Variants in RFWD3 observed in about 807,000 individuals in gnomAD.
The protein encoded by RFWD3 is E3 ubiquitin-protein ligase RFWD3.
RFWD3 carries 65 observed loss-of-function variants against 87.7 expected under a neutral mutation model. That is an observed-to-expected ratio of 0.74 (90% CI 0.61 to 0.91). The LOEUF is 0.91. RFWD3 is among the 40% of genes least tolerant of loss of function. The pLI is 0.00. For missense variants in RFWD3, 1,078 were observed against 938.5 expected (o/e 1.15, Z -1.94); for synonymous variants, 433 against 352.8 (o/e 1.23, Z -2.55).
chr16:74,626,231 A>G (rs1958927852), intron 12 of RFWD3, 112 bp downstream of exon 12: 1 of 911,746 alleles, frequency 1.1e-6, no homozygotes, highest in Non-Finnish European at 1.8e-6. Flanking sequence ...TACAGAGCAG[A>G]ACTTACACTT....
intron 4 of RFWD3, among the ~76,000 whole-genome samples, chr16:74,647,011 T>C (rs987061043): frequency 6.6e-6 from 1 of 151,190 alleles, no homozygotes; most frequent in African/African-American, 2.4e-5. Flanking sequence ...GGTGTGAACC[T>C]GGGAGGCGGA....
rs927008203 is a variant in RFWD3, at chr16:74,649,163, C to T, written c.761G>A (p.Cys254Tyr). The T allele has an allele frequency of 5.1e-6, 8 of 1,570,582 alleles. No homozygotes were observed. Among genetic ancestry groups the T allele is most frequent in the Non-Finnish European group, 6.9e-6 (8 of 1,166,268 alleles). ...AGVSAEQEVT[C>Y]IDGGKTLPKQ... ...GGGGAGGGTCTTGCCTCCATCGATA[C>T]ATGTAACTTCTTGCTCTGCTGAGAC... Residue 254 changes from cysteine (C) to tyrosine (Y), a missense_variant, in exon 4 of 13, where the codon TGT becomes TAT. Transcript: ENST00000361070.
intron 2 of RFWD3, among the ~76,000 whole-genome samples, chr16:74,656,481 A>G (rs543431387): frequency 1.3e-5 from 2 of 151,874 alleles, no homozygotes; most frequent in East Asian, 3.9e-4. Flanking sequence ...ATGATCCACC[A>G]TTCTTTTTTT....
Position 74,624,041 on chromosome 16 carries a change from G to A in RFWD3, c.2212C>T (p.Gln738Ter). The A allele has an allele frequency of 1.2e-6, 2 of 1,613,842 alleles. No homozygotes were observed. The highest frequency in any genetic ancestry group is 1.7e-6 in the Non-Finnish European group (2 of 1,179,968). Residue 738 changes from glutamine to a stop codon, truncating the protein, a stop_gained, in exon 13 of 13, where the codon CAG becomes TAG. Transcript: ENST00000361070. LOFTEE classifies it high-confidence loss of function. ...ACAGGCTGATCGGTCTGTAGGTCCT[G>A]GAGCAACGAGCCACTGGCAGCATCC... is the stretch of plus-strand genomic sequence containing the variant. ...LWDAASGSLL[Q>*]DLQTDQPVLD...
intron 8 of RFWD3, 106 bp downstream of exon 8, chr16:74,636,240 G>C: frequency 1.0e-6 from 1 of 980,456 alleles, no homozygotes; most frequent in Non-Finnish European, 1.6e-6. Context: ...AACTAATAGG[G>C]AAAGGTGATT....
chr16:74,636,402 T>A lies in RFWD3; in HGVS notation c.1370A>T (p.Asp457Val). ...AGNCRIMAYCDALSCLVISQP... is the reference protein window; with the variant it reads ...AGNCRIMAYCVALSCLVISQP... The stretch of plus-strand genomic sequence containing the variant: ...TGATATCACCAGGCAGCTCAGAGCA[T>A]CACAGTATGCCATGATCCGGCAGTT... Residue 457 changes from aspartate (D) to valine (V), a missense_variant, in exon 8 of 13, where the codon GAT (aspartate) becomes GTT (valine). Coordinates refer to ENST00000361070, the MANE Select transcript of RFWD3 (RefSeq NM_018124.4). The A allele has an allele frequency of 6.2e-7, 1 of 1,614,204 alleles. No homozygotes were observed. The highest frequency in any genetic ancestry group is 8.5e-7 in the Non-Finnish European group (1 of 1,180,028).
In RFWD3 at chr16:74,646,458, G is replaced by A. The variant is rs1410375773; in HGVS notation, c.793-1723C>T. Among the ~76,000 whole-genome samples the A allele has an allele frequency of 2.0e-5, 3 of 152,164 alleles. No homozygotes were observed. The East Asian group carries it at 5.8e-4, about 29-fold the overall frequency. The stretch of plus-strand genomic sequence containing the variant: ...AGTAGTTGAGACAACACAGGCGTGT[G>A]CCACCATACACCAACCATGCTTTAC... On this transcript the variant is annotated intron_variant, in intron 4 of 12. Coordinates refer to ENST00000361070, the MANE Select transcript of RFWD3 (RefSeq NM_018124.4).
chr16:74,656,391 TA>T (rs1418587354), intron 2 of RFWD3, among the ~76,000 whole-genome samples: 4 of 152,002 alleles, frequency 2.6e-5, no homozygotes, highest in African/African-American at 7.2e-5. Context: ...TTTTTTATTT[TA>T]TTTTTTTTAA....
intron 7 of RFWD3, 114 bp from the exon 8 acceptor site, chr16:74,636,691 C>T: frequency 1.2e-6 from 1 of 803,256 alleles, no homozygotes; most frequent in Non-Finnish European, 1.9e-6. Context: ...AAAGTGTTAA[C>T]ATGAATCCTA....
rs1427351107 is a variant in RFWD3 at position 74,644,375 on chromosome 16, C to T, written c.1066G>A (p.Glu356Lys). The change falls in exon 6 of 13, where the codon GAG becomes AAG. Residue 356 changes from glutamate to lysine, a missense_variant. Coordinates refer to ENST00000361070, the MANE Select transcript of RFWD3 (RefSeq NM_018124.4). ...TLRALDTSEQ[E>K]RMKSSLLKEQ... ...CTTACCACCTACCTTTTCATGCGCT[C>T]CTGTTCACTAGTGTCCAAAGCTCTC... 2 of 1,614,014 alleles carry T rather than the reference C, an allele frequency of 1.2e-6. No individual in the cohort carries two copies. Among genetic ancestry groups the T allele is most frequent in the Non-Finnish European group, 8.5e-7 (1 of 1,180,030 alleles).
intron 12 of RFWD3, among the ~76,000 whole-genome samples, chr16:74,624,472 T>G (rs1198278479): frequency 6.6e-6 from 1 of 152,358 alleles, no homozygotes; most frequent in East Asian, 1.9e-4. Flanking sequence ...CTTGGCTTAC[T>G]GCAACATCTG....
chr16:74,637,327 T>C (rs1183836511), intron 7 of RFWD3, among the ~76,000 whole-genome samples: 1 of 152,044 alleles, frequency 6.6e-6, no homozygotes, highest in Non-Finnish European at 1.5e-5. Flanking sequence ...TTTAATTTTT[T>C]CTAAAATTCA....
Position 74,622,479 on chromosome 16 carries a change from G to C in RFWD3, c.*1449C>G, listed in dbSNP as rs547118801. The C allele has an allele frequency of 6.6e-6, 1 of 152,092 alleles. No individual in the cohort carries two copies. The highest frequency in any genetic ancestry group is 2.1e-4 in the South Asian group (1 of 4,818). 9.4% of individuals were successfully genotyped at this position (152,092 alleles called of 1,614,324 possible). ...TATTTCTACAAAAAAATTTAAAAAA[G>C]GAAAAAATTATGTCCTAAAATATTA... On this transcript the variant is annotated 3_prime_UTR_variant, in exon 13 of 13. Transcript: ENST00000361070.
intron 1 of RFWD3, among the ~76,000 whole-genome samples, chr16:74,663,268 A>G (rs1179944556): frequency 2.0e-5 from 3 of 152,218 alleles, no homozygotes; most frequent in Non-Finnish European, 4.4e-5. Flanking sequence ...ATGACAGAAG[A>G]GGGCTGAAGA....
chr16:74,654,517 G>C (rs1390615908), intron 2 of RFWD3, among the ~76,000 whole-genome samples: 1 of 152,010 alleles, frequency 6.6e-6, no homozygotes, highest in Non-Finnish European at 1.5e-5. Context: ...CTCTCCTTGG[G>C]ATTCCTTATT....
In RFWD3 at chr16:74,628,637, G is replaced by C. The variant is rs568941961; in HGVS notation, c.1784C>G (p.Pro595Arg). The C allele has an allele frequency of 6.2e-7, 1 of 1,614,098 alleles. No homozygotes were observed. Among genetic ancestry groups the C allele is most frequent in the South Asian group, 1.1e-5 (1 of 91,076 alleles). The change falls in exon 11 of 13, where the codon CCC becomes CGC. Residue 595 changes from proline to arginine, a missense_variant. Pro to Arg is a moderately radical substitution (Grantham distance 103). Transcript: ENST00000361070. ...TGGAAATGCAGCTGAGGCAGCTCTG[G>C]GCATGTATGACAGGGAGACCAGTGG... ...RCPLVSLSYM[P>R]RAASAAFPYG...
At chr16:74,632,167 G>C (rs1959119794) in intron 9 of RFWD3, among the ~76,000 whole-genome samples, 1 of 151,720 alleles carries the variant, frequency 6.6e-6, no homozygotes, top group Non-Finnish European at 1.5e-5. Flanking sequence ...GAGGCGGGCG[G>C]ATCATGAGGT....
At chr16:74,662,659 T>C (rs953274438) in intron 1 of RFWD3, among the ~76,000 whole-genome samples, 1 of 152,180 alleles carries the variant, frequency 6.6e-6, no homozygotes, top group Non-Finnish European at 1.5e-5. Context: ...AATCAGTGCA[T>C]AGGTCCCTGA....
chr16:74,655,169 T>G (rs1287524656), intron 2 of RFWD3, among the ~76,000 whole-genome samples: 1 of 152,200 alleles, frequency 6.6e-6, no homozygotes, highest in Non-Finnish European at 1.5e-5. Context: ...AGTCAATGCC[T>G]GGCTTCAAGG....
Sources: allele counts gnomAD v4.1 joint callset (sites outside exome capture counted in the v4.1 genomes callset), GRCh38; gene constraint gnomAD v4.1.1; transcripts MANE v1.5; gene names NCBI Gene and HGNC (gene_info 2026-07-23, HGNC 2026-07-21).